The following ESRRG variants were observed in gnomAD, a reference collection of about 807,000 sequenced individuals.
ESRRG encodes the protein estrogen related receptor gamma, also known as estrogen-related receptor gamma.
Under a neutral mutation model 44.0 loss-of-function variants are expected in ESRRG, and 13 were observed. That is an observed-to-expected ratio of 0.30 (90% confidence interval 0.19 to 0.47). The LOEUF is 0.47. Ranked by LOEUF, ESRRG falls within the 20% of genes least tolerant of loss-of-function variation. ESRRG has a pLI of 1.00. For synonymous variants in ESRRG, 215 were observed against 214.6 expected (o/e 1.00, Z -0.02); for missense variants, 395 against 580.6 (o/e 0.68, Z 3.29).
intron 2 of ESRRG, among the ~76,000 whole-genome samples, chr1:216,887,034 C>T (rs535529405): frequency 1.3e-5 from 2 of 152,190 alleles, no homozygotes; most frequent in East Asian, 1.9e-4. Context: ...CACGTCGCCC[C>T]GCCCCTTATA....
intron 1 of ESRRG, among the ~76,000 whole-genome samples, chr1:217,005,705 A>G (rs544413728): frequency 7.8e-4 from 118 of 152,166 alleles, no homozygotes; most frequent in African/African-American, 2.7e-3. Context: ...ATTGGTTCTT[A>G]AATGGTTCTT....
chr1:217,096,658 G>A (rs1238961831), intron 1 of ESRRG, among the ~76,000 whole-genome samples: 2 of 107,678 alleles, frequency 1.9e-5, no homozygotes, highest in African/African-American at 4.1e-5. Context: ...CTTCCTCCAG[G>A]ATGACTCCTC....
chr1:216,820,258 C>T (rs1013601175), intron 2 of ESRRG, among the ~76,000 whole-genome samples: 7 of 152,110 alleles, frequency 4.6e-5, no homozygotes, highest in African/African-American at 1.2e-4. Flanking sequence ...CAGTTTTCTT[C>T]CTTCTATTCT....
At chr1:216,851,339 C>G (rs2095839797) in intron 2 of ESRRG, among the ~76,000 whole-genome samples, 1 of 152,046 alleles carries the variant, frequency 6.6e-6, no homozygotes, top group South Asian at 2.1e-4. Flanking sequence ...TTTTGAAACA[C>G]AGTAGTGTAG....
chr1:216,828,196 A>G (rs1342011182), intron 2 of ESRRG, among the ~76,000 whole-genome samples: 1 of 152,190 alleles, frequency 6.6e-6, no homozygotes, highest in Admixed American at 6.5e-5. Flanking sequence ...CCTCCTAGCT[A>G]TTATGGAAAT....
chr1:216,718,664 G>A (rs1260843544), intron 1 of ESRRG, among the ~76,000 whole-genome samples: 1 of 151,968 alleles, frequency 6.6e-6, no homozygotes, highest in African/African-American at 2.4e-5. Flanking sequence ...TTAATACAAT[G>A]CCAGTGGATG....
intron 1 of ESRRG, among the ~76,000 whole-genome samples, chr1:217,077,501 AC>A (rs1459702220): frequency 6.6e-6 from 1 of 152,144 alleles, no homozygotes. Context: ...AAACAAATCC[AC>A]CACTTTCCAA....
intron 3 of ESRRG, among the ~76,000 whole-genome samples, chr1:216,627,682 T>C (rs953611806): frequency 1.3e-5 from 2 of 152,210 alleles, no homozygotes; most frequent in Non-Finnish European, 2.9e-5. Context: ...AGCATTAGGC[T>C]CAAAAACGGC....
chr1:216,898,538 A>C (rs1413305287), intron 2 of ESRRG, among the ~76,000 whole-genome samples: 1 of 152,144 alleles, frequency 6.6e-6, no homozygotes, highest in African/African-American at 2.4e-5. Context: ...GAATCGCTTG[A>C]ATCCAGGAGG....
intron 1 of ESRRG, among the ~76,000 whole-genome samples, chr1:217,031,785 G>T (rs147890482): frequency 6.6e-6 from 1 of 152,188 alleles, no homozygotes; most frequent in Non-Finnish European, 1.5e-5. Flanking sequence ...GGGGCTTCCC[G>T]CTTTGCTCAG....
In ESRRG at chr1:217,061,456, T is replaced by C. The variant is rs545969333; in HGVS notation, c.-106+28051A>G. ...CCTAGGACTGCTTTCACGCTTCCAA[T>C]TCAAAGGATATAAATGAGCTCCCCC... On this transcript the variant is annotated intron_variant, in intron 1 of 7. Coordinates refer to the ESRRG transcript ENST00000359162. Among the ~76,000 whole-genome samples the C allele has an allele frequency of 2.9e-4, 44 of 152,190 alleles. No homozygotes were observed. In the South Asian group the frequency reaches 5.8e-3, roughly 20 times the overall value.
At chr1:217,110,460 C>T (rs936829074) in intron 1 of ESRRG, among the ~76,000 whole-genome samples, 1 of 152,110 alleles carries the variant, frequency 6.6e-6, no homozygotes, top group Non-Finnish European at 1.5e-5. Context: ...TAAGGAAATA[C>T]CTGAGACTGG....
rs963204566 is a variant in ESRRG at position 216,504,132 on chromosome 1, T to G, written c.*2807A>C. 1 of 152,524 alleles carries G rather than the reference T, an allele frequency of 6.6e-6. No individual in the cohort carries two copies. Among genetic ancestry groups the G allele is most frequent in the Non-Finnish European group, 1.5e-5 (1 of 67,982 alleles). 9.4% of individuals were successfully genotyped at this position (152,524 alleles called of 1,614,324 possible). Reference sequence around the variant, plus strand: ...ACATATCTCCATCTCAGGTTTTCAGTTGGTTGGCTCTTACTTCTGAAGCCC... The same window carrying G: ...ACATATCTCCATCTCAGGTTTTCAGGTGGTTGGCTCTTACTTCTGAAGCCC... On this transcript the variant is annotated 3_prime_UTR_variant, in exon 7 of 7. Transcript: ENST00000408911.
chr1:216,690,626 T>G (rs1348778382), intron 1 of ESRRG, among the ~76,000 whole-genome samples: 1 of 152,108 alleles, frequency 6.6e-6, no homozygotes, highest in Admixed American at 6.6e-5. Flanking sequence ...CTAAAAAAAA[T>G]TTTAAACAAT....
chr1:216,823,505 A>G (rs1488482692), intron 2 of ESRRG, among the ~76,000 whole-genome samples: 1 of 152,144 alleles, frequency 6.6e-6, no homozygotes, highest in East Asian at 1.9e-4. Context: ...TTGGAATTTC[A>G]TAATCTTACT....
chr1:216,804,694 A>C (rs1430832339), intron 2 of ESRRG, among the ~76,000 whole-genome samples: 1 of 151,982 alleles, frequency 6.6e-6, no homozygotes, highest in Non-Finnish European at 1.5e-5. Flanking sequence ...TTGTGCTTTG[A>C]AGTTCATGCA....
chr1:216,809,010 T>C (rs1445275273), intron 2 of ESRRG, among the ~76,000 whole-genome samples: 1 of 152,166 alleles, frequency 6.6e-6, no homozygotes, highest in Admixed American at 6.6e-5. Context: ...TCACTATTAG[T>C]TGCCAGGCAC....
chr1:217,113,077 C>G (rs2092677640), intron 1 of ESRRG, among the ~76,000 whole-genome samples: 1 of 152,166 alleles, frequency 6.6e-6, no homozygotes, highest in Non-Finnish European at 1.5e-5. Context: ...CCCACTTAGA[C>G]TAAAAGAGAC....
At chr1:216,637,955 C>G (rs1000417749) in intron 3 of ESRRG, among the ~76,000 whole-genome samples, 2 of 151,852 alleles carry the variant, frequency 1.3e-5, no homozygotes, top group Non-Finnish European at 2.9e-5. Flanking sequence ...AAAAATTATT[C>G]CTGCACCCAA....
Sources: allele counts gnomAD v4.1 joint callset (sites outside exome capture counted in the v4.1 genomes callset), GRCh38; gene constraint gnomAD v4.1.1; transcripts MANE v1.5; gene names NCBI Gene and HGNC (gene_info 2026-07-23, HGNC 2026-07-21).